ADAM10: variants seen among roughly 807,000 people sequenced by gnomAD.
The protein encoded by ADAM10 is disintegrin and metalloproteinase domain-containing protein 10.
Under a neutral mutation model 90.1 loss-of-function variants are expected in ADAM10, and 17 were observed. The ratio of observed to expected loss-of-function variants is 0.19; its 90% CI spans 0.13 to 0.28. The LOEUF is 0.28. Ranked by LOEUF, ADAM10 falls within the 10% of genes least tolerant of loss-of-function variation. The probability of loss-of-function intolerance (pLI) is 1.00; values close to 1 mark genes in which losing one functional copy is unlikely to be tolerated. For synonymous variants in ADAM10, 310 were observed against 298.6 expected, an observed-to-expected ratio of 1.04 and a Z score of -0.40; for missense variants, 610 against 914.3, an observed-to-expected ratio of 0.67 and a Z score of 4.29.
At chr15:58,638,539 C>T (rs542673360) in intron 8 of ADAM10, among the ~76,000 whole-genome samples, 22 of 149,072 alleles carry the variant, frequency 1.5e-4, no homozygotes, top group African/African-American at 5.2e-4. Context: ...GGCGTGAACC[C>T]GGGAGGTGGA....
Position 58,717,712 on chromosome 15 carries a change from G to A in ADAM10, c.71C>T (p.Pro24Leu). The A allele has an allele frequency of 1.2e-6, 2 of 1,612,178 alleles. No homozygotes were observed. Among genetic ancestry groups the A allele is most frequent in the South Asian group, 2.2e-5 (2 of 90,956 alleles). ...ATAATGTCTGATATATTTATTTAAA[G>A]GATTCCCATACTGACCTATAAAAAA... Reference protein sequence around the residue: ...AAGMGGQYGNPLNKYIRHYEG... With the variant: ...AAGMGGQYGNLLNKYIRHYEG... Residue 24 changes from proline to leucine, a missense_variant, in exon 2 of 16, where the codon CCT (proline) becomes CTT (leucine). Physicochemically the swap from Pro to Leu is moderately conservative, Grantham distance 98. Transcript: ENST00000260408.
At chr15:58,725,937 A>G (rs1463603090) in intron 1 of ADAM10, among the ~76,000 whole-genome samples, 2 of 152,212 alleles carry the variant, frequency 1.3e-5, no homozygotes, top group African/African-American at 4.8e-5. Context: ...AGTTTTTCAG[A>G]TAGAAGGAAT....
intron 1 of ADAM10, among the ~76,000 whole-genome samples, chr15:58,726,062 G>A (rs1899016820): frequency 6.6e-6 from 1 of 152,034 alleles, no homozygotes; most frequent in Admixed American, 6.5e-5. Context: ...AAAGTTAAGC[G>A]AATACATTTT....
chr15:58,707,883 C>G (rs1898353871), intron 2 of ADAM10, among the ~76,000 whole-genome samples: 1 of 152,066 alleles, frequency 6.6e-6, no homozygotes. Flanking sequence ...TCAAGACCAG[C>G]CTGGCCAATA....
chr15:58,632,433 G>A (rs1045071880), intron 9 of ADAM10, among the ~76,000 whole-genome samples: 2 of 152,266 alleles, frequency 1.3e-5, no homozygotes, highest in Middle Eastern at 3.4e-3. Flanking sequence ...CTGAATTAGG[G>A]GTTGACAAAG....
intron 1 of ADAM10, among the ~76,000 whole-genome samples, chr15:58,746,398 T>C (rs1446448414): frequency 1.3e-5 from 2 of 152,186 alleles, no homozygotes; most frequent in African/African-American, 2.4e-5. Context: ...GTGCCTGCCA[T>C]GCCTGCTGGG....
intron 4 of ADAM10, among the ~76,000 whole-genome samples, chr15:58,677,591 G>C (rs1365366236): frequency 1.3e-5 from 2 of 151,516 alleles, no homozygotes; most frequent in Admixed American, 6.6e-5. Flanking sequence ...AAACATGAGA[G>C]AGGCACAATA....
chr15:58,725,307 G>T (rs906108383), intron 1 of ADAM10, among the ~76,000 whole-genome samples: 8 of 151,138 alleles, frequency 5.3e-5, no homozygotes, highest in Non-Finnish European at 1.2e-4. Context: ...AAGGCAGGAG[G>T]ACTGTTCAAG....
chr15:58,694,224 CAGA>C (rs1596077306), intron 2 of ADAM10, among the ~76,000 whole-genome samples: 1 of 152,140 alleles, frequency 6.6e-6, no homozygotes, highest in East Asian at 1.9e-4. Flanking sequence ...CCGAGACAGG[CAGA>C]TCACTGAAGG....
At chr15:58,656,982 A>T (rs955171520) in intron 5 of ADAM10, among the ~76,000 whole-genome samples, 2 of 152,006 alleles carry the variant, frequency 1.3e-5, no homozygotes, top group East Asian at 1.9e-4. Context: ...AGGATAAAAA[A>T]TTTTTTCCTT....
chr15:58,619,757 A>G (rs1895725069), intron 11 of ADAM10, among the ~76,000 whole-genome samples: 1 of 152,072 alleles, frequency 6.6e-6, no homozygotes. Context: ...ACAAAAAATT[A>G]GCCAGGCGTG....
chr15:58,613,101 C>T (rs1483566754), intron 11 of ADAM10, among the ~76,000 whole-genome samples: 1 of 152,172 alleles, frequency 6.6e-6, no homozygotes, highest in Non-Finnish European at 1.5e-5. Flanking sequence ...AAGGCGTTGC[C>T]ACTGAGGACA....
chr15:58,707,909 T>C (rs1257141857), intron 2 of ADAM10, among the ~76,000 whole-genome samples: 3 of 151,938 alleles, frequency 2.0e-5, no homozygotes, highest in African/African-American at 7.3e-5. Context: ...AAATGCCATC[T>C]CTACTAAAAA....
intron 2 of ADAM10, among the ~76,000 whole-genome samples, chr15:58,709,648 G>A (rs1306888825): frequency 1.3e-5 from 2 of 152,144 alleles, no homozygotes; most frequent in Non-Finnish European, 2.9e-5. Flanking sequence ...GCTGAGGCAG[G>A]AGAATTGCGT....
At chr15:58,712,986 A>T (rs1898525936) in intron 2 of ADAM10, among the ~76,000 whole-genome samples, 1 of 152,230 alleles carries the variant, frequency 6.6e-6, no homozygotes, top group South Asian at 2.1e-4. Flanking sequence ...ACAATATGAC[A>T]AATCTGCTTA....
In ADAM10 at chr15:58,597,244, T is replaced by G. The variant is rs1375364408; in HGVS notation, c.*303A>C. The stretch of plus-strand genomic sequence containing the variant: ...CAAGTTTGCCTGCAAGTGAAGAAAA[T>G]GCAGCAACGAAGAACAGGGAACACG... On this transcript the variant is annotated 3_prime_UTR_variant, in exon 16 of 16. Coordinates refer to ENST00000260408, the MANE Select transcript of ADAM10 (RefSeq NM_001110.4). The G allele has an allele frequency of 2.4e-6, 2 of 849,688 alleles. No homozygotes were observed. The highest frequency in any genetic ancestry group is 3.5e-6 in the Non-Finnish European group (2 of 567,896). 52.6% of individuals were successfully genotyped at this position (849,688 alleles called of 1,614,324 possible).
chr15:58,677,995 G>T (rs1175454665), intron 4 of ADAM10, among the ~76,000 whole-genome samples: 4 of 152,090 alleles, frequency 2.6e-5, no homozygotes, highest in African/African-American at 9.7e-5. Flanking sequence ...AGAAAGAAAC[G>T]AAAGCAAAGG....
At chr15:58,689,254 G>C (rs1897704726) in intron 2 of ADAM10, among the ~76,000 whole-genome samples, 1 of 152,202 alleles carries the variant, frequency 6.6e-6, no homozygotes, top group Non-Finnish European at 1.5e-5. Context: ...GGGAGGCCAA[G>C]GTGGGCAGAT....
rs528912484 is a variant in ADAM10, at chr15:58,611,192, T to C, written c.1696-85A>G. 3.1e-5 allele frequency: 29 copies of C among 932,676 alleles called. No homozygotes were observed. In the African/African-American group the frequency reaches 3.9e-4, roughly 13 times the overall value. The allele number at this position is 932,676 out of a possible 1,614,324, so 57.8% of individuals were successfully genotyped here. A position where few individuals can be genotyped will look rare whatever the true frequency, so the allele number is the denominator to read the frequency against. On this transcript the variant is annotated intron_variant, in intron 12 of 15. Transcript: ENST00000260408. Reference sequence around the variant, plus strand: ...AGTAACAGACAGGCAAGTATGAGCTTCCAATGTCAAAATATTTAAATGGAA... The same window carrying C: ...AGTAACAGACAGGCAAGTATGAGCTCCCAATGTCAAAATATTTAAATGGAA...
Sources: allele counts gnomAD v4.1 joint callset (sites outside exome capture counted in the v4.1 genomes callset), GRCh38; gene constraint gnomAD v4.1.1; transcripts MANE v1.5; gene names NCBI Gene and HGNC (gene_info 2026-07-23, HGNC 2026-07-21).